C2orf92: variants seen among roughly 807,000 people sequenced by gnomAD.
C2orf92 encodes the protein uncharacterized protein C2orf92.
In C2orf92 at chr2:97,702,767, A is replaced by G. The variant is rs1029942071; in HGVS notation, c.764A>G (p.Lys255Arg). The G allele has an allele frequency of 5.0e-6, 2 of 399,066 alleles. No homozygotes were observed. Among genetic ancestry groups the G allele is most frequent in the South Asian group, 2.5e-4 (2 of 7,856 alleles). The allele number at this position is 399,066 out of a possible 1,614,324, so 24.7% of individuals were successfully genotyped here. Reference sequence around the variant, plus strand: ...AAAAATTTCACAAAACTTGCAAAAAAACAGAAACAGTTGAAGAGCAGCTCC... The same window carrying G: ...AAAAATTTCACAAAACTTGCAAAAAGACAGAAACAGTTGAAGAGCAGCTCC... ...EEKNFTKLAKKQKQLKSSSCV is the reference protein window; with the variant it reads ...EEKNFTKLAKRQKQLKSSSCV Residue 255 changes from lysine to arginine, a missense_variant, in exon 8 of 8, where the codon AAA becomes AGA. Lys to Arg is a conservative substitution (Grantham distance 26). Coordinates refer to ENST00000627399, the MANE Select transcript of C2orf92 (RefSeq NM_001351368.2).
intron 4 of C2orf92, among the ~76,000 whole-genome samples, chr2:97,689,623 G>A (rs1676065058): frequency 6.6e-6 from 1 of 152,188 alleles, no homozygotes; most frequent in Non-Finnish European, 1.5e-5. Flanking sequence ...GCCCCAGGCA[G>A]GGAGGGGGAA....
intron 5 of C2orf92, among the ~76,000 whole-genome samples, chr2:97,691,854 C>T (rs1676150436): frequency 6.6e-6 from 1 of 152,168 alleles, no homozygotes; most frequent in Admixed American, 6.6e-5. Context: ...CGCCACTGCA[C>T]TCCAGCCTGG....
intron 5 of C2orf92, among the ~76,000 whole-genome samples, 198 bp downstream of exon 5, chr2:97,690,525 G>A (rs1292357559): frequency 2.0e-5 from 3 of 151,638 alleles, no homozygotes; most frequent in African/African-American, 7.3e-5. Context: ...TGACTATGGG[G>A]GCCCGCTACC....
intron 3 of C2orf92, among the ~76,000 whole-genome samples, chr2:97,678,708 T>G (rs56717024): frequency 0.054 from 8,248 of 151,462 alleles, 611 homozygotes; most frequent in African/African-American, 0.17. Flanking sequence ...GGTGGCTCAT[T>G]CCTGTAATCC....
chr2:97,676,101 C>T (rs370841773), intron 3 of C2orf92, among the ~76,000 whole-genome samples, 173 bp downstream of exon 3: 223 of 152,124 alleles, frequency 1.5e-3, no homozygotes, highest in Non-Finnish European at 2.7e-3. Context: ...TTAAGCTAAA[C>T]GTGGAAAATA....
intron 5 of C2orf92, among the ~76,000 whole-genome samples, chr2:97,694,963 T>A (rs1676265299): frequency 6.6e-6 from 1 of 152,240 alleles, no homozygotes; most frequent in Non-Finnish European, 1.5e-5. Flanking sequence ...TGGAAAAATA[T>A]CTATTCAAGT....
intron 3 of C2orf92, among the ~76,000 whole-genome samples, chr2:97,679,009 T>C (rs1393758210): frequency 6.8e-6 from 1 of 146,898 alleles, no homozygotes; most frequent in Non-Finnish European, 1.5e-5. Flanking sequence ...AAAAGGAAAA[T>C]ACTGTCAAGC....
chr2:97,679,582 C>T (rs1675693701), intron 3 of C2orf92, among the ~76,000 whole-genome samples: 1 of 152,008 alleles, frequency 6.6e-6, no homozygotes, highest in Admixed American at 6.6e-5. Flanking sequence ...TGGCTTATGC[C>T]TGTAATCCCA....
intron 3 of C2orf92, chr2:97,677,502 G>A (rs1675622065): frequency 6.6e-6 from 1 of 152,186 alleles, no homozygotes; most frequent in Non-Finnish European, 1.5e-5. Flanking sequence ...ACAACAAGAA[G>A]TACGCACTTT....
At chr2:97,675,651 G>C in intron 2 of C2orf92, 194 bp from the exon 3 acceptor site, 1 of 394,128 alleles carries the variant, frequency 2.5e-6, no homozygotes, top group Middle Eastern at 6.4e-4. Flanking sequence ...AATGAGCTTA[G>C]CCCCTGGTGT....
intron 3 of C2orf92, among the ~76,000 whole-genome samples, chr2:97,685,000 GC>G (rs1441730432): frequency 1.3e-5 from 2 of 151,766 alleles, no homozygotes; most frequent in African/African-American, 4.8e-5. Flanking sequence ...CACAATCTTG[GC>G]TCACTGCAAG....
At chr2:97,676,433 C>CAAAAAAA (rs1302287547) in intron 3 of C2orf92, among the ~76,000 whole-genome samples, 3 of 31,120 alleles carry the variant, frequency 9.6e-5, no homozygotes, top group African/African-American at 5.2e-4. Flanking sequence ...GACTCCATCT[C>CAAAAAAA]AAAAAAAAAA....
chr2:97,685,545 G>A (rs933503114), intron 3 of C2orf92, among the ~76,000 whole-genome samples: 10 of 150,488 alleles, frequency 6.6e-5, no homozygotes, highest in Admixed American at 1.3e-4. Context: ...GATTACAGGC[G>A]TGAGCCACTG....
chr2:97,685,627 A>G (rs1675936310), intron 3 of C2orf92, among the ~76,000 whole-genome samples: 1 of 151,478 alleles, frequency 6.6e-6, no homozygotes, highest in South Asian at 2.1e-4. Flanking sequence ...CAGTGGCGCA[A>G]TCTCGGATCA....
chr2:97,681,597 G>A (rs1009151612), intron 3 of C2orf92, among the ~76,000 whole-genome samples: 1 of 152,252 alleles, frequency 6.6e-6, no homozygotes, highest in African/African-American at 2.4e-5. Flanking sequence ...ATCTTCTCAC[G>A]CCTGTAATCC....
intron 3 of C2orf92, among the ~76,000 whole-genome samples, chr2:97,683,730 CTCA>C (rs2104566731): frequency 6.6e-6 from 1 of 152,276 alleles, no homozygotes; most frequent in East Asian, 1.9e-4. Flanking sequence ...ATTTCACTTT[CTCA>C]TTTCAAAACT....
intron 7 of C2orf92, 115 bp downstream of exon 7, chr2:97,701,419 G>A (rs1482729114): frequency 3.8e-5 from 15 of 392,580 alleles, no homozygotes; most frequent in African/African-American, 1.4e-4. Flanking sequence ...TGCAAGCCTG[G>A]TTGTGCTTCA....
chr2:97,679,173 A>T (rs932287531), intron 3 of C2orf92, among the ~76,000 whole-genome samples: 2 of 110,418 alleles, frequency 1.8e-5, no homozygotes, highest in Non-Finnish European at 5.0e-5. Flanking sequence ...ACTTGACATA[A>T]GAAAAAAAAA....
intron 1 of C2orf92, chr2:97,670,577 A>G (rs569588654): frequency 6.6e-6 from 1 of 152,034 alleles, no homozygotes; most frequent in East Asian, 1.9e-4. Context: ...TATTGTTATT[A>G]TTTTTGAGAT....
Sources: gnomAD v4.1 joint callset for allele counts (sites outside exome capture counted in the v4.1 genomes callset) on GRCh38, gnomAD v4.1.1 for gene constraint, MANE v1.5 for transcripts, NCBI Gene and HGNC (gene_info 2026-07-23, HGNC 2026-07-21) for gene names.